Variants in SLC30A8 observed in about 807,000 individuals in gnomAD.
SLC30A8 encodes the protein proton-coupled zinc antiporter SLC30A8.
Under a neutral mutation model 36.9 loss-of-function variants are expected in SLC30A8, and 27 were observed. The ratio of observed to expected loss-of-function variants is 0.73; its 90% CI spans 0.54 to 1.01. The LOEUF is 1.01. Ranked by LOEUF, SLC30A8 falls within the 50% of genes least tolerant of loss-of-function variation. The pLI is 0.00. For missense variants in SLC30A8, 439 were observed against 452.0 expected (o/e 0.97, Z 0.26); for synonymous variants, 164 against 172.4 (o/e 0.95, Z 0.38).
intron 1 of SLC30A8, among the ~76,000 whole-genome samples, chr8:116,996,632 C>T (rs1282809937): frequency 6.6e-6 from 1 of 152,072 alleles, no homozygotes; most frequent in Non-Finnish European, 1.5e-5. Flanking sequence ...AGACAGAGAC[C>T]TTATTCTTAT....
chr8:117,146,599 T>A (rs1821906089), intron 1 of SLC30A8, among the ~76,000 whole-genome samples: 1 of 152,138 alleles, frequency 6.6e-6, no homozygotes, highest in Non-Finnish European at 1.5e-5. Flanking sequence ...TTATTATTAT[T>A]TTTTTGTAGC....
chr8:116,976,115 A>G (rs1814995261), intron 1 of SLC30A8, among the ~76,000 whole-genome samples: 1 of 152,072 alleles, frequency 6.6e-6, no homozygotes, highest in Admixed American at 6.6e-5. Flanking sequence ...ATGTTTTTTT[A>G]CCAGACCATC....
intron 1 of SLC30A8, among the ~76,000 whole-genome samples, chr8:116,969,214 T>A (rs923561349): frequency 6.6e-6 from 1 of 151,900 alleles, no homozygotes; most frequent in Non-Finnish European, 1.5e-5. Flanking sequence ...GGTCAGGAGT[T>A]CGAGACCAGC....
rs765852756 is a variant in SLC30A8 at position 117,157,694 on chromosome 8, T to A, written c.422T>A (p.Ile141Asn). The stretch of plus-strand genomic sequence containing the variant: ...CTGTGTGTGTTTGAATTCCTAGAGA[T>A]CCTTGGTGCCCTGCTCTCCATCCTG... ...RLTFGWHRAE[I>N]LGALLSILCI... The change falls in exon 4 of 8, where the codon ATC (isoleucine) becomes AAC (asparagine). Residue 141 changes from isoleucine to asparagine, a missense_variant. Ile to Asn is a moderately radical substitution (Grantham distance 149, BLOSUM62 -3). Coordinates refer to ENST00000456015, the MANE Select transcript of SLC30A8 (RefSeq NM_173851.3). 54 of 1,613,824 alleles carry A rather than the reference T, an allele frequency of 3.3e-5. No homozygotes were observed. Among genetic ancestry groups the A allele is most frequent in the Non-Finnish European group, 3.8e-5 (45 of 1,179,938 alleles).
At chr8:117,134,925 G>A (rs561810497), upstream of SLC30A8, 10 of 156,242 alleles carry the variant, frequency 6.4e-5, no homozygotes, top group East Asian at 3.7e-4. Context: ...TTAGTGTAGC[G>A]AATGGTAGCT....
intron 1 of SLC30A8, among the ~76,000 whole-genome samples, chr8:117,020,091 A>G (rs1028845200): frequency 6.6e-6 from 1 of 152,178 alleles, no homozygotes; most frequent in Non-Finnish European, 1.5e-5. Context: ...TCATAGGAGG[A>G]GAGGACTCTG....
At chr8:117,074,599 C>A (rs72687109) in intron 2 of SLC30A8, among the ~76,000 whole-genome samples, 7 of 152,206 alleles carry the variant, frequency 4.6e-5, no homozygotes, top group African/African-American at 1.2e-4. Flanking sequence ...CCCAGTCTCC[C>A]CCTTGACCTC....
intron 1 of SLC30A8, among the ~76,000 whole-genome samples, chr8:117,019,517 G>C (rs898131747): frequency 6.6e-6 from 1 of 152,164 alleles, no homozygotes; most frequent in African/African-American, 2.4e-5. Context: ...ACAGAGTTCA[G>C]TTTCATAACT....
At chr8:117,111,608 G>A (rs910873984) in intron 2 of SLC30A8, among the ~76,000 whole-genome samples, 6 of 152,094 alleles carry the variant, frequency 3.9e-5, no homozygotes, top group African/African-American at 1.4e-4. Context: ...TAATTAGAGT[G>A]CATTATGGGA....
At chr8:117,125,746 C>T (rs561020456) in intron 2 of SLC30A8, among the ~76,000 whole-genome samples, 154 of 152,062 alleles carry the variant, frequency 1.0e-3, no homozygotes, top group Non-Finnish European at 1.9e-3. Flanking sequence ...TGTAGAACTC[C>T]TCATGTCTCA....
At position 117,170,450 on chromosome 8, in the gene SLC30A8, T is replaced by C. The variant is rs141915225; in HGVS notation, c.830-584T>C. On this transcript the variant is annotated intron_variant, in intron 6 of 7. Coordinates refer to ENST00000456015, the MANE Select transcript of SLC30A8 (RefSeq NM_173851.3). ...AACTTACAAACCGAATAAGATGGTA[T>C]TATACAATGTTAGGATCCTCTATTA... Among the ~76,000 whole-genome samples, 446 of 152,270 alleles carry C rather than the reference T, an allele frequency of 2.9e-3. 7 individuals carry two copies. Among genetic ancestry groups the C allele is most frequent in the Admixed American group, 0.027 (406 of 15,292 alleles).
At chr8:117,093,778 A>T (rs1819239804) in intron 2 of SLC30A8, among the ~76,000 whole-genome samples, 1 of 152,196 alleles carries the variant, frequency 6.6e-6, no homozygotes, top group Admixed American at 6.5e-5. Context: ...CTCTGGACTC[A>T]TTCTGCCAAC....
At chr8:117,135,799 A>G (rs1168997352) in intron 1 of SLC30A8, among the ~76,000 whole-genome samples, 1 of 151,924 alleles carries the variant, frequency 6.6e-6, no homozygotes, top group East Asian at 1.9e-4. Flanking sequence ...TTGATCTTAA[A>G]ATGAGCTGTT....
intron 6 of SLC30A8, among the ~76,000 whole-genome samples, chr8:117,164,787 A>G (rs1401875345): frequency 6.6e-6 from 1 of 152,148 alleles, no homozygotes; most frequent in South Asian, 2.1e-4. Flanking sequence ...AGCCCCGAGT[A>G]GGATCTTATG....
At chr8:117,073,464 T>C (rs1023026686) in intron 2 of SLC30A8, among the ~76,000 whole-genome samples, 3 of 152,136 alleles carry the variant, frequency 2.0e-5, no homozygotes, top group Non-Finnish European at 4.4e-5. Context: ...TTCACCATGT[T>C]GGCCAGGCTA....
chr8:116,990,355 A>G (rs1815591764), intron 1 of SLC30A8, among the ~76,000 whole-genome samples: 1 of 152,108 alleles, frequency 6.6e-6, no homozygotes, highest in Admixed American at 6.6e-5. Context: ...AATCTGGCAA[A>G]CCAAGTGATC....
At chr8:117,029,878 A>G (rs1469364460) in intron 1 of SLC30A8, among the ~76,000 whole-genome samples, 4 of 152,236 alleles carry the variant, frequency 2.6e-5, no homozygotes, top group Non-Finnish European at 4.4e-5. Context: ...GAAACCAATT[A>G]TTAGACAAGA....
intron 1 of SLC30A8, among the ~76,000 whole-genome samples, chr8:116,977,291 G>C (rs1465445003): frequency 6.8e-6 from 1 of 147,180 alleles, no homozygotes; most frequent in East Asian, 2.0e-4. Flanking sequence ...TGGGACTACA[G>C]GCGCCCGCCA....
chr8:116,990,949 TGA>T (rs139541141), intron 1 of SLC30A8, among the ~76,000 whole-genome samples: 1 of 152,058 alleles, frequency 6.6e-6, no homozygotes, highest in Non-Finnish European at 1.5e-5. Context: ...ACAGAAAGAC[TGA>T]GAGAGAGAGA....
Sources: gnomAD v4.1 joint callset for allele counts (sites outside exome capture counted in the v4.1 genomes callset) on GRCh38, gnomAD v4.1.1 for gene constraint, MANE v1.5 for transcripts, NCBI Gene and HGNC (gene_info 2026-07-23, HGNC 2026-07-21) for gene names.